Variants in ADORA2B observed in about 807,000 individuals in gnomAD.
ADORA2B encodes the protein adenosine A2b receptor, also known as adenosine receptor A2b.
ADORA2B carries 18 observed loss-of-function variants against 20.8 expected under a neutral mutation model. The ratio of observed to expected loss-of-function variants is 0.87; its 90% CI spans 0.60 to 1.29. The LOEUF (loss-of-function observed/expected upper bound fraction) is 1.29. ADORA2B is among the 50% of genes most tolerant of loss of function. The pLI is 0.00. For synonymous variants in ADORA2B, 179 were observed against 178.3 expected, an observed-to-expected ratio of 1.00 and a Z score of -0.03; for missense variants, 441 against 422.7, an observed-to-expected ratio of 1.04 and a Z score of -0.38.
At chr17:15,964,939 A>G (rs1014386995) in intron 1 of ADORA2B, among the ~76,000 whole-genome samples, 3 of 152,060 alleles carry the variant, frequency 2.0e-5, no homozygotes, top group Admixed American at 6.6e-5. Flanking sequence ...GGGTGCCTGT[A>G]GTCCCAGCTA....
the ADORA2B span, among the ~76,000 whole-genome samples, chr17:15,856,267 C>A: frequency 6.6e-6 from 1 of 151,666 alleles, no homozygotes; most frequent in Admixed American, 6.6e-5. Flanking sequence ...CCCCGCCTTC[C>A]CCCACCTTCC....
At chr17:15,873,612 A>G in the ADORA2B span, among the ~76,000 whole-genome samples, 1 of 152,238 alleles carries the variant, frequency 6.6e-6, no homozygotes, top group African/African-American at 2.4e-5. Flanking sequence ...AAAAGAAGAT[A>G]TACAAATGGC....
chr17:15,858,313 T>G, the ADORA2B span, among the ~76,000 whole-genome samples: 1 of 152,116 alleles, frequency 6.6e-6, no homozygotes, highest in African/African-American at 2.4e-5. Context: ...TGAGGTGGCA[T>G]GTCACTGTGG....
the ADORA2B span, among the ~76,000 whole-genome samples, chr17:15,912,906 T>C: frequency 3.2e-4 from 48 of 152,316 alleles, no homozygotes; most frequent in African/African-American, 1.1e-3. Context: ...ACACACACTT[T>C]ACAGGTACCT....
intron 1 of ADORA2B, among the ~76,000 whole-genome samples, chr17:15,972,998 GCTTGAAGATGAC>G (rs1970206863): frequency 6.6e-6 from 1 of 152,066 alleles, no homozygotes; most frequent in African/African-American, 2.4e-5. Context: ...TGATCTAATG[GCTTGAAGATGAC>G]CAAAAAATTT....
chr17:15,927,192 C>T, the ADORA2B span, among the ~76,000 whole-genome samples: 2 of 150,622 alleles, frequency 1.3e-5, no homozygotes, highest in Admixed American at 6.6e-5. Context: ...ACTAAAAATA[C>T]AAAAAATTAG....
At chr17:15,929,530 C>T in the ADORA2B span, among the ~76,000 whole-genome samples, 1 of 152,206 alleles carries the variant, frequency 6.6e-6, no homozygotes, top group African/African-American at 2.4e-5. Context: ...GCTCTCCTCC[C>T]TCCACCAGGT....
At chr17:15,908,640 G>A in the ADORA2B span, 1 of 174,656 alleles carries the variant, frequency 5.7e-6, no homozygotes, top group Non-Finnish European at 1.3e-5. Flanking sequence ...TAACCCATGA[G>A]GGCCTGCAGC....
the ADORA2B span, among the ~76,000 whole-genome samples, chr17:15,862,217 T>C: frequency 0.26 from 20,516 of 77,574 alleles, 1,486 homozygotes; most frequent in South Asian, 0.41. Flanking sequence ...TTTTCTTTTT[T>C]TTTTTTTTTT....
At chr17:15,879,200 C>G in the ADORA2B span, among the ~76,000 whole-genome samples, 1 of 152,152 alleles carries the variant, frequency 6.6e-6, no homozygotes, top group Admixed American at 6.5e-5. Flanking sequence ...CCTATAATCT[C>G]AGGGCTTTAG....
At chr17:15,920,718 T>G in the ADORA2B span, among the ~76,000 whole-genome samples, 1 of 102,228 alleles carries the variant, frequency 9.8e-6, no homozygotes, top group South Asian at 2.9e-4. Context: ...AGACTCCGTC[T>G]CAAAAAAAAA....
At chr17:15,922,673 G>A in the ADORA2B span, among the ~76,000 whole-genome samples, 5,948 of 152,294 alleles carry the variant, frequency 0.039, 416 homozygotes, top group African/African-American at 0.13. Context: ...CATTATTAAT[G>A]TGCATATGTA....
chr17:15,867,863 G>T, the ADORA2B span, among the ~76,000 whole-genome samples: 1 of 152,054 alleles, frequency 6.6e-6, no homozygotes, highest in African/African-American at 2.4e-5. Flanking sequence ...CACCCTGTCT[G>T]GGAGGTGTAC....
the ADORA2B span, among the ~76,000 whole-genome samples, chr17:15,883,901 C>T: frequency 5.9e-5 from 9 of 152,252 alleles, no homozygotes; most frequent in East Asian, 3.9e-4. Flanking sequence ...GCAGTGGTGA[C>T]GGAATTAAAG....
At chr17:15,909,999 T>G in the ADORA2B span, among the ~76,000 whole-genome samples, 1 of 152,178 alleles carries the variant, frequency 6.6e-6, no homozygotes, top group African/African-American at 2.4e-5. Flanking sequence ...TCTGGGCAGA[T>G]CTGTGTGCAC....
chr17:15,942,203 T>C (rs1202907427), upstream of ADORA2B, among the ~76,000 whole-genome samples: 1 of 152,178 alleles, frequency 6.6e-6, no homozygotes, highest in African/African-American at 2.4e-5. Flanking sequence ...GTGGAAGCAG[T>C]GGAGCAGTTT....
the ADORA2B span, among the ~76,000 whole-genome samples, chr17:15,871,887 G>A: frequency 6.6e-6 from 1 of 152,144 alleles, no homozygotes; most frequent in Non-Finnish European, 1.5e-5. Flanking sequence ...ATGACTTCAT[G>A]CTGCGTCCTG....
At chr17:15,921,782 A>C in the ADORA2B span, among the ~76,000 whole-genome samples, 6,938 of 152,250 alleles carry the variant, frequency 0.046, 382 homozygotes, top group African/African-American at 0.13. Context: ...TTAGGGATCC[A>C]GGCACCTTTT....
At position 15,945,501 on chromosome 17, in the gene ADORA2B, G is replaced by A. The variant is rs781359164; in HGVS notation, c.253G>A (p.Val85Met). 3.1e-6 allele frequency: 5 copies of A among 1,610,706 alleles called. No individual in the cohort carries two copies. Among genetic ancestry groups the A allele is most frequent in the Non-Finnish European group, 3.4e-6 (4 of 1,179,162 alleles). Reference protein sequence around the residue: ...FYGCLFLACFVLVLTQSSIFS... With the variant: ...FYGCLFLACFMLVLTQSSIFS... ...CGGCTGCCTCTTCCTCGCCTGCTTCGTGCTGGTGCTCACGCAGAGCTCCAT... is the reference window on the plus strand; with the variant it reads ...CGGCTGCCTCTTCCTCGCCTGCTTCATGCTGGTGCTCACGCAGAGCTCCAT... Residue 85 changes from valine to methionine, a missense_variant, in exon 1 of 2, where the codon GTG becomes ATG. Transcript: ENST00000304222.
Sources: allele counts gnomAD v4.1 joint callset (sites outside exome capture counted in the v4.1 genomes callset), GRCh38; gene constraint gnomAD v4.1.1; transcripts MANE v1.5; gene names NCBI Gene and HGNC (gene_info 2026-07-23, HGNC 2026-07-21).